Variants in TSEN54 observed in about 807,000 individuals in gnomAD.
The protein encoded by TSEN54 is tRNA-splicing endonuclease subunit Sen54.
In TSEN54, 55 loss-of-function variants were observed where a neutral mutation model predicts 61.9. The ratio of observed to expected loss-of-function variants is 0.89; its 90% CI spans 0.72 to 1.11. The LOEUF is 1.11. Ranked by LOEUF, TSEN54 falls within the 50% of genes most tolerant of loss-of-function variation. The pLI is 0.00. For synonymous variants in TSEN54, 304 were observed against 288.7 expected, an observed-to-expected ratio of 1.05 and a Z score of -0.54; for missense variants, 760 against 687.7, an observed-to-expected ratio of 1.11 and a Z score of -1.18.
At chr17:75,521,351 C>T (rs1288819289) in intron 6 of TSEN54, 58 bp from the exon 7 acceptor site, 1 of 1,442,412 alleles carries the variant, frequency 6.9e-7, no homozygotes, top group Non-Finnish European at 9.8e-7. Context: ...ACACATCCCA[C>T]CAGATCCCCA....
At chr17:75,517,736 C>T (rs2053389335) in intron 5 of TSEN54, 81 bp downstream of exon 5, 1 of 1,205,318 alleles carries the variant, frequency 8.3e-7, no homozygotes, top group East Asian at 2.3e-5. Context: ...AGGTGCCAGG[C>T]ACAGTGTCAC....
Position 75,521,394 on chromosome 17 carries a change from G to A in TSEN54, c.522-15G>A, listed in dbSNP as rs769155254. On this transcript the variant is annotated splice_polypyrimidine_tract_variant and intron_variant, in intron 6 of 10. Coordinates refer to ENST00000333213, the MANE Select transcript of TSEN54 (RefSeq NM_207346.3). ...GAGGTGGGTCAGTGGCCCACCCGCT[G>A]TTCTCACCCCACAGCTCTGTCCTGT... 2 of 1,612,914 alleles carry A rather than the reference G, an allele frequency of 1.2e-6. No homozygotes were observed. The highest frequency in any genetic ancestry group is 3.3e-5 in the Admixed American group (2 of 60,022).
At chr17:75,522,591 T>G in intron 8 of TSEN54, 8 of 1,336,700 alleles carry the variant, frequency 6.0e-6, no homozygotes, top group East Asian at 2.7e-5. Context: ...AACATGCATG[T>G]GGATGGCTTT....
chr17:75,520,683 C>A (rs112926881), intron 6 of TSEN54, among the ~76,000 whole-genome samples: 14,204 of 151,896 alleles, frequency 0.094, 707 homozygotes, highest in African/African-American at 0.11. Flanking sequence ...AGGCCAGGCA[C>A]AGTGGCTCAC....
Position 75,524,299 on chromosome 17 carries a change from CGG to C in TSEN54, c.1469_1470del (p.Arg490LeufsTer19). The C allele has an allele frequency of 6.2e-7, 1 of 1,614,174 alleles. No individual in the cohort carries two copies. Among genetic ancestry groups the C allele is most frequent in the Non-Finnish European group, 8.5e-7 (1 of 1,180,040 alleles). On this transcript the variant is annotated frameshift_variant, in exon 11 of 11. Coordinates refer to ENST00000333213, the MANE Select transcript of TSEN54 (RefSeq NM_207346.3). LOFTEE classifies it high-confidence loss of function. ...EPVPDLCSLK[R>X]LSYQSGDVPL... is the part of the protein sequence containing the mutation. The stretch of plus-strand genomic sequence containing the variant: ...TGTCCCAGACCTCTGCAGCCTCAAG[CGG>C]TTGTCTTACCAGAGTGGGGATGTCC...
chr17:75,523,061 C>G, intron 8 of TSEN54: 1 of 583,986 alleles, frequency 1.7e-6, no homozygotes, highest in Non-Finnish European at 3.1e-6. Context: ...CACTTATAAT[C>G]CCAGCTACTC....
rs754375574 is a variant in TSEN54 at position 75,521,874 on chromosome 17, G to A, written c.793G>A (p.Gly265Ser). 5.8e-5 allele frequency: 94 copies of A among 1,611,050 alleles called. 4 individuals carry two copies. The South Asian group carries it at 1.0e-3, about 18-fold the overall frequency. ...GGPFQLLGSL[G>S]PSPGPAREGV... is the part of the protein sequence containing the mutation. The stretch of plus-strand genomic sequence containing the variant: ...CCCCTTTCAGCTTCTGGGGTCCCTG[G>A]GCCCCAGCCCTGGCCCGGCCAGGGA... The change falls in exon 8 of 11, where the codon GGC becomes AGC. Residue 265 changes from glycine to serine, a missense_variant. Physicochemically the swap from Gly to Ser is moderately conservative, Grantham distance 56 (BLOSUM62 0). This residue lies in a region of TSEN54 where 667 missense variants were observed against 577.8 expected (regional missense o/e 1.15). Coordinates refer to ENST00000333213, the MANE Select transcript of TSEN54 (RefSeq NM_207346.3).
Position 75,524,593 on chromosome 17 carries a change from T to A in TSEN54, c.*181T>A, listed in dbSNP as rs1450778337. The A allele has an allele frequency of 1.3e-6, 1 of 783,154 alleles. No homozygotes were observed. The highest frequency in any genetic ancestry group is 2.7e-5 in the East Asian group (1 of 37,410). The allele number at this position is 783,154 out of a possible 1,614,324, so 48.5% of individuals were successfully genotyped here. A position where few individuals can be genotyped will look rare whatever the true frequency, so the allele number is the denominator to read the frequency against. Reference sequence around the variant, plus strand: ...AACTGTGACCCTCTCCCTTCCCTGCTGCCTTGCAGTGACCCCTCTGGAACT... The same window carrying A: ...AACTGTGACCCTCTCCCTTCCCTGCAGCCTTGCAGTGACCCCTCTGGAACT... On this transcript the variant is annotated 3_prime_UTR_variant, in exon 11 of 11. Transcript: ENST00000333213.
At chr17:75,517,101 C>T (rs1366716063) in intron 3 of TSEN54, 29 bp downstream of exon 3, 14 of 1,548,724 alleles carry the variant, frequency 9.0e-6, no homozygotes, top group African/African-American at 1.4e-5. Context: ...GACCGGGGAC[C>T]GCCCTCCCTG....
chr17:75,517,372 TG>T, intron 4 of TSEN54, 128 bp downstream of exon 4: 2 of 1,258,566 alleles, frequency 1.6e-6, no homozygotes, highest in South Asian at 1.2e-5. Flanking sequence ...AAGCAGGAGG[TG>T]GTACGTTGCA....
At chr17:75,518,494 TG>T in intron 5 of TSEN54, 1 of 983,932 alleles carries the variant, frequency 1.0e-6, no homozygotes, top group Non-Finnish European at 1.2e-6. Context: ...TGCTAAAGCC[TG>T]CTGAGATCAA....
At position 75,522,078 on chromosome 17, in the gene TSEN54, G is replaced by C. The variant is rs1431417055; in HGVS notation, c.997G>C (p.Asp333His). 1.3e-6 allele frequency: 2 copies of C among 1,586,512 alleles called. No individual in the cohort carries two copies. The highest frequency in any genetic ancestry group is 1.7e-6 in the Non-Finnish European group (2 of 1,167,016). The change falls in exon 8 of 11, where the codon GAC becomes CAC. Residue 333 changes from aspartate to histidine, a missense_variant. This residue lies in a region of TSEN54 where 667 missense variants were observed against 577.8 expected (regional missense o/e 1.15). Coordinates refer to ENST00000333213, the MANE Select transcript of TSEN54 (RefSeq NM_207346.3). ...GGCCAACGTGGCTGGGCGGGAGACA[G>C]ACGCTGAGTCCTGGTGCCAGAAGCT... is the stretch of plus-strand genomic sequence containing the variant. ...LPANVAGRET[D>H]AESWCQKLNQ...
chr17:75,519,490 C>G (rs1433453845), intron 6 of TSEN54, among the ~76,000 whole-genome samples: 2 of 152,216 alleles, frequency 1.3e-5, no homozygotes, highest in Non-Finnish European at 2.9e-5. Context: ...AAGGCAGAGA[C>G]CTTCAGACTT....
intron 6 of TSEN54, 40 bp downstream of exon 6, chr17:75,519,087 C>T (rs771219342): frequency 1.4e-5 from 23 of 1,609,860 alleles, no homozygotes; most frequent in South Asian, 7.7e-5. Flanking sequence ...TATTCTAGTC[C>T]TGGGACCTGG....
intron 4 of TSEN54, 150 bp downstream of exon 4, chr17:75,517,394 A>G: frequency 8.6e-7 from 1 of 1,165,692 alleles, no homozygotes; most frequent in Admixed American, 1.8e-5. Flanking sequence ...GGGAGCAGGG[A>G]TTCCAGTCCA....
intron 5 of TSEN54, 89 bp downstream of exon 5, chr17:75,517,744 C>CA: frequency 8.6e-7 from 1 of 1,167,006 alleles, no homozygotes; most frequent in Non-Finnish European, 1.3e-6. Flanking sequence ...GGCACAGTGT[C>CA]ACATGCTGGG....
chr17:75,516,849 C>T lies in TSEN54; in HGVS notation c.160C>T (p.Arg54Trp), dbSNP rs2053373636. The change falls in exon 2 of 11, where the codon CGG becomes TGG. Residue 54 changes from arginine to tryptophan, a missense_variant. By Grantham distance (101) the Arg-to-Trp change is moderately radical. Around this residue, in one of 3 missense-constraint regions of TSEN54, gnomAD observed 667 missense variants for 577.8 expected, o/e 1.15. Transcript: ENST00000333213. ...CGACGGCTCGGCAGCTCAGGCCGAG[C>T]GGCTGCGCCGGTGCCGGGAAGAGCT... ...LPDGSAAQAE[R>W]LRRCREELWQ... The T allele has an allele frequency of 3.2e-6, 5 of 1,577,438 alleles. No individual in the cohort carries two copies. The highest frequency in any genetic ancestry group is 1.4e-5 in the African/African-American group (1 of 74,044).
At chr17:75,522,716 A>G (rs2053441746) in intron 8 of TSEN54, 1 of 379,986 alleles carries the variant, frequency 2.6e-6, no homozygotes, top group Non-Finnish European at 4.7e-6. Context: ...TGGGGAAAGA[A>G]TAAGCTAAAT....
At chr17:75,521,340 T>C in intron 6 of TSEN54, 69 bp from the exon 7 acceptor site, 1 of 1,356,898 alleles carries the variant, frequency 7.4e-7, no homozygotes, top group East Asian at 2.3e-5. Flanking sequence ...CCCGTTTCCT[T>C]ACACATCCCA....
Sources: allele counts gnomAD v4.1 joint callset (sites outside exome capture counted in the v4.1 genomes callset), GRCh38; gene constraint gnomAD v4.1.1; regional missense constraint gnomAD v4.1.1; transcripts MANE v1.5; gene names NCBI Gene and HGNC (gene_info 2026-07-23, HGNC 2026-07-21).